Variants in EIF4E3 observed in about 807,000 individuals in gnomAD.
EIF4E3 encodes the protein eukaryotic translation initiation factor 4E family member 3.
EIF4E3 carries 26 observed loss-of-function variants against 31.7 expected under a neutral mutation model. The ratio of observed to expected loss-of-function variants is 0.82; its 90% CI spans 0.60 to 1.14. The LOEUF (loss-of-function observed/expected upper bound fraction) is 1.14. Among genes scored for constraint, EIF4E3 ranks in the 50% most tolerant of loss-of-function variants. The pLI is 0.00. For missense variants in EIF4E3, 304 were observed against 270.9 expected (o/e 1.12, Z -0.86); for synonymous variants, 128 against 107.7 (o/e 1.19, Z -1.17).
intron 1 of EIF4E3, among the ~76,000 whole-genome samples, chr3:71,718,339 A>C (rs1300338103): frequency 6.6e-6 from 1 of 152,266 alleles, no homozygotes; most frequent in Non-Finnish European, 1.5e-5. Context: ...TATTACTGAC[A>C]GTTAATAATG....
At chr3:71,754,420 T>C, upstream of EIF4E3, 1 of 1,350,652 alleles carries the variant, frequency 7.4e-7, no homozygotes, top group Admixed American at 2.7e-5. This position sits in a 1 kb window ranked among gnomAD's most constrained non-coding sequence, Gnocchi z 5.8. Flanking sequence ...TACCTGGCCA[T>C]CGCGCACCAC....
At chr3:71,664,182 T>C in the EIF4E3 span, among the ~76,000 whole-genome samples, 2 of 152,194 alleles carry the variant, frequency 1.3e-5, no homozygotes, top group Admixed American at 6.5e-5. Context: ...GCTTCTTGTT[T>C]TATGTTAATT....
At chr3:71,724,882 C>T (rs1020684718) in intron 1 of EIF4E3, among the ~76,000 whole-genome samples, 2 of 152,206 alleles carry the variant, frequency 1.3e-5, no homozygotes, top group Non-Finnish European at 2.9e-5. Context: ...TACCCTCTCC[C>T]ACGGCCCTGC....
intron 1 of EIF4E3, among the ~76,000 whole-genome samples, chr3:71,738,636 CA>C (rs1362300402): frequency 6.6e-6 from 1 of 152,006 alleles, no homozygotes; most frequent in African/African-American, 2.4e-5. Flanking sequence ...GTGCACCGAA[CA>C]AGAGAGGCTC....
intron 1 of EIF4E3, among the ~76,000 whole-genome samples, chr3:71,744,772 G>A: frequency 6.6e-6 from 1 of 152,164 alleles, no homozygotes; most frequent in East Asian, 1.9e-4. Context: ...TACGTCCAAA[G>A]CAGCTTTCTC....
Position 71,684,486 on chromosome 3 carries a change from T to C in EIF4E3, c.*196A>G. On this transcript the variant is annotated 3_prime_UTR_variant, in exon 7 of 7. Transcript: ENST00000425534. ...TGTGTTTTTTTTAAAAAGCAAGTAA[T>C]GTGACGGTAGAAACCCACACAATCT... 2 of 435,786 alleles carry C rather than the reference T, an allele frequency of 4.6e-6. No individual in the cohort carries two copies. Among genetic ancestry groups the C allele is most frequent in the Non-Finnish European group, 8.0e-6 (2 of 251,280 alleles). 27.0% of individuals were successfully genotyped at this position (435,786 alleles called of 1,614,324 possible).
intron 1 of EIF4E3, among the ~76,000 whole-genome samples, chr3:71,752,983 G>C (rs2049949488): frequency 6.6e-6 from 1 of 152,200 alleles, no homozygotes; most frequent in African/African-American, 2.4e-5. Flanking sequence ...GTCACTTAAA[G>C]ATGAAATGCT....
chr3:71,699,693 A>G lies in EIF4E3; in HGVS notation c.265T>C (p.Tyr89His). Residue 89 changes from tyrosine to histidine, a missense_variant, in exon 3 of 7, where the codon TAC (tyrosine) becomes CAC (histidine). By Grantham distance (83) the Tyr-to-His change is moderately conservative (BLOSUM62 2). Coordinates refer to ENST00000425534, the MANE Select transcript of EIF4E3 (RefSeq NM_001134651.2). ...VQTVQIFWSV[Y>H]NNIPPVTSLP... ...CTAGTCACAGGAGGGATATTATTGTATACACTCCAAAATATCTTTAAAAGA... is the reference window on the plus strand; with the variant it reads ...CTAGTCACAGGAGGGATATTATTGTGTACACTCCAAAATATCTTTAAAAGA... 1 of 1,612,758 alleles carries G rather than the reference A, an allele frequency of 6.2e-7. No individual in the cohort carries two copies. Among genetic ancestry groups the G allele is most frequent in the Non-Finnish European group, 8.5e-7 (1 of 1,179,412 alleles).
In EIF4E3 at chr3:71,681,488, G is replaced by T. The variant is rs2048922960; in HGVS notation, c.*3194C>A. 5.3e-5 allele frequency: 8 copies of T among 152,294 alleles called. No individual in the cohort carries two copies. Among genetic ancestry groups the T allele is most frequent in the Admixed American group, 3.3e-4 (5 of 15,292 alleles). The allele number at this position is 152,294 out of a possible 1,614,324, so 9.4% of individuals were successfully genotyped here. ...CTTCTGTCTCTGAGAGGGAGAGGGA[G>T]AGAAGGAGGAGCTGTTTACAAACAG... is the stretch of plus-strand genomic sequence containing the variant. On this transcript the variant is annotated 3_prime_UTR_variant, in exon 7 of 7. Transcript: ENST00000425534.
rs1371351222 is a variant in EIF4E3 at position 71,725,073 on chromosome 3, G to A, written c.176+119C>T. On this transcript the variant is annotated intron_variant, in intron 1 of 6. Coordinates refer to ENST00000425534, the MANE Select transcript of EIF4E3 (RefSeq NM_001134651.2). This position sits in a 1 kb window ranked among gnomAD's most constrained non-coding sequence, Gnocchi z 6.1. ...GGGGTGCGCAGGCGGACGCGCGGAG[G>A]GGCCGAGGTCTGTGCCACAGCGGAG... The A allele has an allele frequency of 1.3e-6, 1 of 773,000 alleles. No individual in the cohort carries two copies. The highest frequency in any genetic ancestry group is 1.2e-4 in the East Asian group (1 of 8,672). 47.9% of individuals were successfully genotyped at this position (773,000 alleles called of 1,614,324 possible).
intron 1 of EIF4E3, among the ~76,000 whole-genome samples, chr3:71,710,877 G>C (rs560374039): frequency 3.3e-5 from 5 of 152,270 alleles, no homozygotes; most frequent in Non-Finnish European, 5.9e-5. Flanking sequence ...GTCCTGGCCT[G>C]GTGATATGTT....
chr3:71,711,311 A>G (rs1431443414), intron 1 of EIF4E3, among the ~76,000 whole-genome samples: 2 of 152,190 alleles, frequency 1.3e-5, no homozygotes, highest in Non-Finnish European at 2.9e-5. Context: ...GTACAATTAT[A>G]TCAGCCTAAG....
the EIF4E3 span, among the ~76,000 whole-genome samples, chr3:71,661,066 C>A: frequency 6.6e-6 from 1 of 152,098 alleles, no homozygotes; most frequent in Non-Finnish European, 1.5e-5. Flanking sequence ...AGCTGGTCTC[C>A]TCTTAATTGC....
chr3:71,722,591 A>C (rs528851279), intron 1 of EIF4E3, among the ~76,000 whole-genome samples: 75 of 152,384 alleles, frequency 4.9e-4, no homozygotes, highest in African/African-American at 1.6e-3. Flanking sequence ...ACCTTCCTCA[A>C]ATGCCGAAAT....
chr3:71,725,506 C>CGCCCGCG (rs1358169364), upstream of EIF4E3: 2 of 387,098 alleles, frequency 5.2e-6, no homozygotes, highest in African/African-American at 4.9e-5. This position sits in a 1 kb window ranked among gnomAD's most constrained non-coding sequence, Gnocchi z 6.1. Flanking sequence ...CGCCGCCCGC[C>CGCCCGCG]GCCCGCCGCC....
upstream of EIF4E3, among the ~76,000 whole-genome samples, chr3:71,725,840 G>A (rs1157604595): frequency 6.6e-6 from 1 of 152,166 alleles, no homozygotes; most frequent in Non-Finnish European, 1.5e-5. The surrounding 1 kb of genome is among the most constrained non-coding windows in gnomAD (Gnocchi z 6.1). Flanking sequence ...AGGGAAGGAG[G>A]GATGGACAGA....
chr3:71,751,596 G>T (rs1209969020), intron 1 of EIF4E3, among the ~76,000 whole-genome samples: 1 of 152,186 alleles, frequency 6.6e-6, no homozygotes, highest in East Asian at 1.9e-4. Context: ...ACAGCCATGG[G>T]TCTAACTTTA....
intron 1 of EIF4E3, among the ~76,000 whole-genome samples, chr3:71,738,794 C>T (rs2049790418): frequency 6.6e-6 from 1 of 151,776 alleles, no homozygotes; most frequent in Admixed American, 6.6e-5. Flanking sequence ...AACAACAAAT[C>T]AGACAGCAGG....
At chr3:71,724,017 A>C (rs2049590501) in intron 1 of EIF4E3, among the ~76,000 whole-genome samples, 1 of 152,174 alleles carries the variant, frequency 6.6e-6, no homozygotes, top group Admixed American at 6.5e-5. Context: ...TTTTTAAAAC[A>C]AAATCTTGCA....
Sources: allele counts gnomAD v4.1 joint callset (sites outside exome capture counted in the v4.1 genomes callset), GRCh38; gene constraint gnomAD v4.1.1; non-coding constraint Gnocchi (gnomAD v3.1); transcripts MANE v1.5; gene names NCBI Gene and HGNC (gene_info 2026-07-23, HGNC 2026-07-21).